The following NOSTRIN variants were observed in gnomAD, a reference collection of about 807,000 sequenced individuals.
NOSTRIN encodes BM247 homolog.
A neutral mutation model predicts 59.0 loss-of-function variants in NOSTRIN; 63 were observed. That is an observed-to-expected ratio of 1.07 (90% confidence interval 0.87 to 1.32). The LOEUF (loss-of-function observed/expected upper bound fraction) is 1.32, where lower values mean the gene tolerates loss of function less well. Ranked by LOEUF, NOSTRIN falls within the 40% of genes most tolerant of loss-of-function variation. The pLI is 0.00. For missense variants in NOSTRIN, 512 were observed against 473.1 expected, an observed-to-expected ratio of 1.08 and a Z score of -0.76; for synonymous variants, 200 against 165.4, an observed-to-expected ratio of 1.21 and a Z score of -1.61.
chr2:168,854,318 C>T (rs1022915002), intron 10 of NOSTRIN, among the ~76,000 whole-genome samples: 2 of 152,160 alleles, frequency 1.3e-5, no homozygotes, highest in Non-Finnish European at 2.9e-5. Context: ...ATCTCTCAGC[C>T]GGGATCCTAA....
At chr2:168,814,738 A>C (rs924046160) in intron 2 of NOSTRIN, among the ~76,000 whole-genome samples, 10 of 152,204 alleles carry the variant, frequency 6.6e-5, no homozygotes, top group African/African-American at 2.4e-4. Flanking sequence ...CCTGCCACCT[A>C]AAATGCATTC....
intron 2 of NOSTRIN, among the ~76,000 whole-genome samples, chr2:168,792,815 G>A (rs1005350560): frequency 6.6e-6 from 1 of 152,064 alleles, no homozygotes; most frequent in Admixed American, 6.6e-5. Flanking sequence ...AAAATAAAGT[G>A]ATCCCAATAA....
chr2:168,863,673 AGT>A, intron 15 of NOSTRIN: 22 of 26,880 alleles, frequency 8.2e-4, no homozygotes, highest in Non-Finnish European at 8.9e-4. Flanking sequence ...CAAAGCTGTG[AGT>A]GAGTTAAACT....
At chr2:168,828,546 C>T (rs767000466) in intron 5 of NOSTRIN, 45 bp downstream of exon 5, 1 of 766,476 alleles carries the variant, frequency 1.3e-6, no homozygotes, top group South Asian at 1.8e-5. Context: ...AAGCAAGATT[C>T]CTGTGTTTAG....
upstream of NOSTRIN, chr2:168,802,397 C>G: frequency 2.1e-6 from 1 of 473,376 alleles, no homozygotes; most frequent in South Asian, 2.2e-5. Flanking sequence ...GGATCCTGCC[C>G]TCTGAGGGTT....
rs532942534 is a variant in NOSTRIN at position 168,807,644 on chromosome 2, G to A, written c.28-3923G>A. Among the ~76,000 whole-genome samples, 107 of 152,250 alleles carry A rather than the reference G, an allele frequency of 7.0e-4. 1 individual carries two copies. Among genetic ancestry groups the A allele is most frequent in the South Asian group, 4.4e-3 (21 of 4,822 alleles). On this transcript the variant is annotated intron_variant, in intron 1 of 15. Transcript: ENST00000317647. ...CTTGCATGTGCCTGGGCATACTGGC[G>A]TTTGAGGTTTGAGGGTGGGTTACAG...
At chr2:168,800,039 G>T (rs1279159808), upstream of NOSTRIN, among the ~76,000 whole-genome samples, 5 of 152,306 alleles carry the variant, frequency 3.3e-5, no homozygotes, top group East Asian at 9.7e-4. Flanking sequence ...TGTACCTCCA[G>T]AGGCCTCGAG....
intron 8 of NOSTRIN, among the ~76,000 whole-genome samples, chr2:168,845,814 A>C (rs1208922925): frequency 1.2e-5 from 1 of 81,002 alleles, no homozygotes; most frequent in African/African-American, 7.0e-5. Context: ...TTTTGTTAGA[A>C]TCCAAGTCAC....
chr2:168,801,877 C>T (rs1013152737), upstream of NOSTRIN, among the ~76,000 whole-genome samples: 1 of 152,118 alleles, frequency 6.6e-6, no homozygotes, highest in Admixed American at 6.5e-5. Flanking sequence ...TTTTTCTTTA[C>T]ATTGAAAGCT....
intron 2 of NOSTRIN, among the ~76,000 whole-genome samples, chr2:168,813,841 G>A (rs1361663740): frequency 6.6e-6 from 1 of 152,140 alleles, no homozygotes; most frequent in Non-Finnish European, 1.5e-5. Context: ...GGTCATTTAT[G>A]TAATAAATGC....
chr2:168,821,666 A>G (rs1236791324), intron 2 of NOSTRIN, among the ~76,000 whole-genome samples: 1 of 152,246 alleles, frequency 6.6e-6, no homozygotes, highest in African/African-American at 2.4e-5. Flanking sequence ...AGACGGGGCA[A>G]ACCTCTGAGG....
At chr2:168,838,935 C>T (rs1687899843) in intron 7 of NOSTRIN, among the ~76,000 whole-genome samples, 1 of 151,938 alleles carries the variant, frequency 6.6e-6, no homozygotes, top group African/African-American at 2.4e-5. Context: ...AGGCACTCAC[C>T]ACCATGCCCA....
upstream of NOSTRIN, among the ~76,000 whole-genome samples, chr2:168,797,079 C>CTTTTTTTTTTTTTTTTTTTTTTTTTT (rs775176252): frequency 9.3e-5 from 7 of 75,032 alleles, no homozygotes; most frequent in African/African-American, 3.3e-4. Context: ...TTTCTTTTTT[C>CTTTTTTTTTTTTTTTTTTTTTTTTTT]TTTTTTTTTT....
intron 1 of NOSTRIN, among the ~76,000 whole-genome samples, chr2:168,809,020 A>G (rs921290856): frequency 6.6e-6 from 1 of 152,244 alleles, no homozygotes; most frequent in African/African-American, 2.4e-5. Flanking sequence ...GTTATGAAAC[A>G]TAAAAGTGTT....
intron 5 of NOSTRIN, among the ~76,000 whole-genome samples, chr2:168,831,031 A>G (rs559966128): frequency 3.3e-5 from 5 of 152,312 alleles, no homozygotes; most frequent in Admixed American, 2.0e-4. Flanking sequence ...ATGAATTGTA[A>G]TAGTGATTGA....
chr2:168,845,778 G>GT (rs1170824359), intron 8 of NOSTRIN, among the ~76,000 whole-genome samples: 3 of 127,374 alleles, frequency 2.4e-5, no homozygotes, highest in African/African-American at 9.3e-5. Flanking sequence ...CCTAGTTTTA[G>GT]TTTTTTTCTT....
At chr2:168,797,428 C>T (rs771175678), upstream of NOSTRIN, among the ~76,000 whole-genome samples, 2 of 151,904 alleles carry the variant, frequency 1.3e-5, no homozygotes, top group East Asian at 1.9e-4. Flanking sequence ...ATAAGATAAA[C>T]AAAGTAAAAG....
At chr2:168,814,894 A>G (rs1686320774) in intron 2 of NOSTRIN, among the ~76,000 whole-genome samples, 1 of 152,230 alleles carries the variant, frequency 6.6e-6, no homozygotes, top group Admixed American at 6.5e-5. Flanking sequence ...AGCACAACCC[A>G]TCTCTATTTT....
intron 15 of NOSTRIN, among the ~76,000 whole-genome samples, chr2:168,864,016 T>G (rs981987846): frequency 1.3e-5 from 2 of 151,746 alleles, no homozygotes; most frequent in African/African-American, 4.8e-5. Context: ...ATTCAAGTGA[T>G]TCTCCTGCCT....
Sources: allele counts gnomAD v4.1 joint callset (sites outside exome capture counted in the v4.1 genomes callset), GRCh38; gene constraint gnomAD v4.1.1; transcripts MANE v1.5; gene names NCBI Gene and HGNC (gene_info 2026-07-23, HGNC 2026-07-21).